Variants in HAS3 observed in about 807,000 individuals in gnomAD.
The protein encoded by HAS3 is HA synthase 3.
Under a neutral mutation model 50.3 loss-of-function variants are expected in HAS3, and 27 were observed. That is an observed-to-expected ratio of 0.54 (90% CI 0.40 to 0.74). The LOEUF (loss-of-function observed/expected upper bound fraction) is 0.74, where lower values mean the gene tolerates loss of function less well. HAS3 is among the 30% of genes least tolerant of loss of function. The pLI is 0.00. For synonymous variants in HAS3, 339 were observed against 310.9 expected (o/e 1.09, Z -0.95); for missense variants, 517 against 742.8 (o/e 0.70, Z 3.53).
In HAS3 at chr16:69,116,742, C is replaced by T; in HGVS notation, c.*1476C>T. 2 of 985,382 alleles carry T rather than the reference C, an allele frequency of 2.0e-6. No homozygotes were observed. Among genetic ancestry groups the T allele is most frequent in the Middle Eastern group, 5.2e-4 (1 of 1,914 alleles). The allele number at this position is 985,382 out of a possible 1,614,324, so 61.0% of individuals were successfully genotyped here. A position where few individuals can be genotyped will look rare whatever the true frequency, so the allele number is the denominator to read the frequency against. ...ATGAGGGGAAGCCATTTTCCAGTGA[C>T]TTGCAATCCAGGCTGTTCTCAGCGT... is the stretch of plus-strand genomic sequence containing the variant. On this transcript the variant is annotated 3_prime_UTR_variant, in exon 4 of 4. Transcript: ENST00000569188.
chr16:69,084,981 C>G, the HAS3 span: 3 of 152,312 alleles, frequency 2.0e-5, no homozygotes, highest in Non-Finnish European at 4.4e-5. Flanking sequence ...CACAAGTGAG[C>G]TTAGTGAGCA....
the HAS3 span, among the ~76,000 whole-genome samples, chr16:69,090,613 G>A: frequency 2.6e-5 from 4 of 152,098 alleles, no homozygotes; most frequent in African/African-American, 9.7e-5. Context: ...TGTTGTCCAG[G>A]CTGGAGTGCA....
At chr16:69,094,527 G>T in the HAS3 span, among the ~76,000 whole-genome samples, 1 of 152,214 alleles carries the variant, frequency 6.6e-6, no homozygotes, top group Non-Finnish European at 1.5e-5. Context: ...GTGCTAAGTT[G>T]TGTGTCTTTC....
At position 69,116,465 on chromosome 16, in the gene HAS3, A is replaced by C; in HGVS notation, c.*1199A>C. 1 of 985,892 alleles carries C rather than the reference A, an allele frequency of 1.0e-6. No individual in the cohort carries two copies. Among genetic ancestry groups the C allele is most frequent in the African/African-American group, 1.7e-5 (1 of 57,370 alleles). The allele number at this position is 985,892 out of a possible 1,614,324, so 61.1% of individuals were successfully genotyped here. On this transcript the variant is annotated 3_prime_UTR_variant, in exon 4 of 4. Coordinates refer to ENST00000569188, the MANE Select transcript of HAS3 (RefSeq NM_001199280.2). Reference sequence around the variant, plus strand: ...CTACTGTTCTTGACAATCATCTCCAATGGAAAGCTTTTCAGTGTTCCCAAA... The same window carrying C: ...CTACTGTTCTTGACAATCATCTCCACTGGAAAGCTTTTCAGTGTTCCCAAA...
chr16:69,091,973 G>A, the HAS3 span, among the ~76,000 whole-genome samples: 1 of 152,204 alleles, frequency 6.6e-6, no homozygotes, highest in South Asian at 2.1e-4. Flanking sequence ...TTGAATGGTT[G>A]TACCTCTGCA....
chr16:69,091,219 T>C, the HAS3 span, among the ~76,000 whole-genome samples: 9 of 152,306 alleles, frequency 5.9e-5, no homozygotes, highest in East Asian at 1.7e-3. Context: ...CGCATCATTT[T>C]TTCTGAGTCA....
intron 2 of HAS3, 120 bp downstream of exon 2, chr16:69,110,151 C>G: frequency 2.0e-6 from 2 of 1,012,784 alleles, no homozygotes; most frequent in Non-Finnish European, 2.8e-6. Context: ...CACCTGTGCA[C>G]TTAAGAAGGC....
the HAS3 span, among the ~76,000 whole-genome samples, chr16:69,089,259 A>C: frequency 6.6e-6 from 1 of 152,238 alleles, no homozygotes; most frequent in East Asian, 1.9e-4. Context: ...AAGTGGATCA[A>C]TTGATAAGTC....
At position 69,114,900 on chromosome 16, in the gene HAS3, C is replaced by A; in HGVS notation, c.1296C>A (p.Gly432=). ...CCACCTACGCCTGCTTCCTTCGGGG[C>A]AATGCAGAGATGATCTTCATGTCCC... The part of the protein sequence containing the change: ...IKATYACFLR[G]NAEMIFMSLY... Residue 432 remains glycine (G), a synonymous_variant, in exon 4 of 4, where the codon GGC becomes GGA. Transcript: ENST00000569188. This position sits in a 1 kb window ranked among gnomAD's most constrained non-coding sequence, Gnocchi z 6.4. 1 of 1,614,116 alleles carries A rather than the reference C, an allele frequency of 6.2e-7. No individual in the cohort carries two copies. The highest frequency in any genetic ancestry group is 2.2e-5 in the East Asian group (1 of 44,876).
At chr16:69,083,496 C>T in the HAS3 span, 15 of 1,610,712 alleles carry the variant, frequency 9.3e-6, no homozygotes, top group African/African-American at 8.0e-5. Flanking sequence ...TGCTGAGCGC[C>T]GTCCTCAAGG....
the HAS3 span, among the ~76,000 whole-genome samples, chr16:69,097,863 C>T: frequency 4.6e-3 from 706 of 152,220 alleles, 9 homozygotes; most frequent in African/African-American, 0.016. Context: ...CAAAGGTGCC[C>T]AAAGAGCTGG....
At chr16:69,118,127 A>AC (rs1597103494), downstream of HAS3, 13 of 146,304 alleles carry the variant, frequency 8.9e-5, no homozygotes, top group South Asian at 1.9e-4. Context: ...TTCATCCCCC[A>AC]CCCCCACCCT....
chr16:69,115,656 C>T lies in HAS3; in HGVS notation c.*390C>T. 2.0e-6 allele frequency: 2 copies of T among 999,724 alleles called. No individual in the cohort carries two copies. The highest frequency in any genetic ancestry group is 2.4e-6 in the Non-Finnish European group (2 of 839,760). 61.9% of individuals were successfully genotyped at this position (999,724 alleles called of 1,614,324 possible). On this transcript the variant is annotated 3_prime_UTR_variant, in exon 4 of 4. Transcript: ENST00000569188. Reference sequence around the variant, plus strand: ...CCTGCGGAAGGAGGTTCTCCCAGCCCATCTGAACACAACCAGAGGTGGCAG... The same window carrying T: ...CCTGCGGAAGGAGGTTCTCCCAGCCTATCTGAACACAACCAGAGGTGGCAG...
the HAS3 span, among the ~76,000 whole-genome samples, chr16:69,094,172 G>A: frequency 6.6e-6 from 1 of 152,202 alleles, no homozygotes. Context: ...TTTATTAAAT[G>A]ATGTCAGATT....
At chr16:69,095,926 G>A in the HAS3 span, among the ~76,000 whole-genome samples, 3 of 152,162 alleles carry the variant, frequency 2.0e-5, no homozygotes, top group Admixed American at 2.0e-4. Flanking sequence ...TAAGAATTGT[G>A]GGGCCATGGC....
intron 2 of HAS3, among the ~76,000 whole-genome samples, chr16:69,110,613 A>G (rs1031954048): frequency 2.0e-5 from 3 of 151,898 alleles, no homozygotes; most frequent in African/African-American, 7.3e-5. Context: ...TCCTCTTAAC[A>G]CTCCCAGGGA....
At chr16:69,094,512 G>A in the HAS3 span, among the ~76,000 whole-genome samples, 53 of 152,288 alleles carry the variant, frequency 3.5e-4, no homozygotes, top group Non-Finnish European at 6.2e-4. Flanking sequence ...GATTTCAAAG[G>A]ACAGGTGCTA....
At chr16:69,108,858 C>T (rs1313535367) in intron 1 of HAS3, among the ~76,000 whole-genome samples, 1 of 152,240 alleles carries the variant, frequency 6.6e-6, no homozygotes, top group Non-Finnish European at 1.5e-5. Flanking sequence ...TGCTCCTGCA[C>T]TTTCTTCTTG....
rs140561541 is a variant in HAS3, at chr16:69,109,412, C to T, written c.17C>T (p.Thr6Met). The change falls in exon 2 of 4, where the codon ACG (threonine) becomes ATG (methionine). Residue 6 changes from threonine (T) to methionine (M), a missense_variant. By Grantham distance (81) the Thr-to-Met change is moderately conservative (BLOSUM62 -1). Coordinates refer to ENST00000569188, the MANE Select transcript of HAS3 (RefSeq NM_001199280.2). The surrounding 1 kb of genome is among the most constrained non-coding windows in gnomAD (Gnocchi z 5.3). MPVQLTTALRVVGTSL... is the reference protein window; with the variant it reads MPVQLMTALRVVGTSL... ...TCTCGCCAGATGCCGGTGCAGCTGA[C>T]GACAGCCCTGCGTGTGGTGGGCACC... is the stretch of plus-strand genomic sequence containing the variant. 3.6e-3 allele frequency: 5,712 copies of T among 1,606,372 alleles called. 14 individuals carry two copies. Among genetic ancestry groups the T allele is most frequent in the Non-Finnish European group, 4.3e-3 (5,071 of 1,177,524 alleles).
Sources: allele counts gnomAD v4.1 joint callset (sites outside exome capture counted in the v4.1 genomes callset), GRCh38; gene constraint gnomAD v4.1.1; non-coding constraint Gnocchi (gnomAD v3.1); transcripts MANE v1.5; gene names NCBI Gene and HGNC (gene_info 2026-07-23, HGNC 2026-07-21).